Variants in ABCC1 observed in about 807,000 individuals in gnomAD.
ABCC1 encodes the protein ATP binding cassette subfamily C member 1 (ABCC1 blood group).
A neutral mutation model predicts 172.9 loss-of-function variants in ABCC1; 83 were observed. The observed-to-expected ratio is 0.48, with a 90% CI of 0.40 to 0.58. The LOEUF is 0.58. ABCC1 is among the 20% of genes least tolerant of loss of function. The probability of loss-of-function intolerance (pLI) is 0.00; values close to 1 mark genes in which losing one functional copy is unlikely to be tolerated. For synonymous variants in ABCC1, 937 were observed against 825.2 expected, an observed-to-expected ratio of 1.14 and a Z score of -2.32; for missense variants, 1,817 against 2,002.7, an observed-to-expected ratio of 0.91 and a Z score of 1.77.
At chr16:16,026,871 C>T (rs561397143) in intron 5 of ABCC1, among the ~76,000 whole-genome samples, 3 of 151,946 alleles carry the variant, frequency 2.0e-5, no homozygotes, top group Non-Finnish European at 4.4e-5. Flanking sequence ...GAGCCGAGAT[C>T]GGGCCACTGC....
intron 1 of ABCC1, among the ~76,000 whole-genome samples, chr16:15,997,813 T>TTG (rs1465316108): frequency 7.4e-6 from 1 of 135,974 alleles, no homozygotes; most frequent in African/African-American, 2.9e-5. Flanking sequence ...ACCTTTTTTT[T>TTG]TTTTTTTTTT....
At position 16,000,122 on chromosome 16, in the gene ABCC1, G is replaced by T. The variant is rs560647726; in HGVS notation, c.49-7694G>T. Among the ~76,000 whole-genome samples the T allele has an allele frequency of 3.3e-5, 5 of 151,728 alleles. No individual in the cohort carries two copies. The South Asian group carries it at 1.0e-3, about 32-fold the overall frequency. On this transcript the variant is annotated intron_variant, in intron 1 of 30. Coordinates refer to ENST00000399410, the MANE Select transcript of ABCC1 (RefSeq NM_004996.4). ...CCCGCCTCGGTCTCCCAAAGTGTTGGGATTACAGGCGTGAGCCACCGCTCC... is the reference window on the plus strand; with the variant it reads ...CCCGCCTCGGTCTCCCAAAGTGTTGTGATTACAGGCGTGAGCCACCGCTCC...
chr16:16,091,344 C>T (rs1451093309), intron 19 of ABCC1, among the ~76,000 whole-genome samples: 1 of 150,512 alleles, frequency 6.6e-6, no homozygotes, highest in Non-Finnish European at 1.5e-5. Flanking sequence ...GTGGGTGGAT[C>T]CCTTGAAGCC....
chr16:16,018,418 G>A (rs1377739346), intron 5 of ABCC1, among the ~76,000 whole-genome samples: 1 of 152,126 alleles, frequency 6.6e-6, no homozygotes, highest in African/African-American at 2.4e-5. Flanking sequence ...GCATGGTGGT[G>A]CATGCTTGTA....
Position 16,142,322 on chromosome 16 carries a change from T to C in ABCC1, c.*1041T>C, listed in dbSNP as rs1366409884. 6.6e-6 allele frequency: 1 copy of C among 152,148 alleles called. No individual in the cohort carries two copies. Among genetic ancestry groups the C allele is most frequent in the Non-Finnish European group, 1.5e-5 (1 of 68,024 alleles). The allele number at this position is 152,148 out of a possible 1,614,324, so 9.4% of individuals were successfully genotyped here. On this transcript the variant is annotated 3_prime_UTR_variant, in exon 31 of 31. Coordinates refer to ENST00000399410, the MANE Select transcript of ABCC1 (RefSeq NM_004996.4). Reference sequence around the variant, plus strand: ...CAGTGTTGGTTGCTTACAGTGTTGATTGATTTTGTTCTTTTTTCTTACCAC... The same window carrying C: ...CAGTGTTGGTTGCTTACAGTGTTGACTGATTTTGTTCTTTTTTCTTACCAC...
intron 6 of ABCC1, among the ~76,000 whole-genome samples, chr16:16,035,492 A>ATTTTTTTTTTTTTT (rs55727520): frequency 7.2e-6 from 1 of 138,940 alleles, no homozygotes. Flanking sequence ...CCTTCAGCCT[A>ATTTTTTTTTTTTTT]TTTTTTTTTT....
At chr16:15,997,747 G>C (rs1260267737) in intron 1 of ABCC1, among the ~76,000 whole-genome samples, 1 of 148,178 alleles carries the variant, frequency 6.7e-6, no homozygotes. Flanking sequence ...AGTTGTTAAA[G>C]TAAAGAAGGA....
chr16:16,105,714 C>CTTTTTT (rs71137912), intron 20 of ABCC1, among the ~76,000 whole-genome samples: 28 of 130,348 alleles, frequency 2.1e-4, no homozygotes, highest in Non-Finnish European at 2.9e-4. Context: ...CTTTTCTTTT[C>CTTTTTT]TTTTTTTTTT....
chr16:16,116,687 C>T (rs1251503264), intron 23 of ABCC1, among the ~76,000 whole-genome samples: 1 of 152,050 alleles, frequency 6.6e-6, no homozygotes, highest in Non-Finnish European at 1.5e-5. Flanking sequence ...CTCAGCCTCC[C>T]AAGTAGCTGG....
At chr16:16,136,226 G>C (rs2045912055) in intron 28 of ABCC1, among the ~76,000 whole-genome samples, 1 of 152,106 alleles carries the variant, frequency 6.6e-6, no homozygotes, top group Admixed American at 6.6e-5. Context: ...GTGTTGCCAT[G>C]TTGGCCAGGC....
At position 16,132,004 on chromosome 16, in the gene ABCC1, C is replaced by T. The variant is rs375066560; in HGVS notation, c.3966+69C>T. On this transcript the variant is annotated intron_variant, in intron 27 of 30. Coordinates refer to ENST00000399410, the MANE Select transcript of ABCC1 (RefSeq NM_004996.4). ...CACAGGGTGCCATCGGGCAGGTGAA[C>T]CTAGCTGCAGCGTCTCCCCAGTCAC... 4.3e-5 allele frequency: 67 copies of T among 1,563,898 alleles called. No individual in the cohort carries two copies. The East Asian group carries it at 8.8e-4, about 21-fold the overall frequency.
intron 1 of ABCC1, among the ~76,000 whole-genome samples, chr16:15,996,494 G>A (rs1042263875): frequency 6.6e-6 from 1 of 152,192 alleles, no homozygotes; most frequent in African/African-American, 2.4e-5. Context: ...GTGGTACACA[G>A]TATGTCCTCA....
intron 1 of ABCC1, among the ~76,000 whole-genome samples, chr16:16,001,765 G>T (rs1384675326): frequency 1.3e-5 from 2 of 152,198 alleles, no homozygotes; most frequent in African/African-American, 4.8e-5. Context: ...GCTGTGCTTT[G>T]TGAAGTAATT....
At chr16:16,065,520 C>T (rs778819418) in intron 12 of ABCC1, among the ~76,000 whole-genome samples, 2 of 152,158 alleles carry the variant, frequency 1.3e-5, no homozygotes, top group Non-Finnish European at 2.9e-5. Context: ...GCAACCTCCA[C>T]CTCCCGGGTT....
intron 13 of ABCC1, among the ~76,000 whole-genome samples, chr16:16,069,512 T>G (rs1465421617): frequency 6.6e-6 from 1 of 152,150 alleles, no homozygotes; most frequent in Non-Finnish European, 1.5e-5. Context: ...CTGTCACTTT[T>G]CTGCACTGTT....
At position 16,122,711 on chromosome 16, in the gene ABCC1, T is replaced by TAAA. The variant is rs34383577; in HGVS notation, c.3590+558_3590+560dup. Among the ~76,000 whole-genome samples the TAAA allele has an allele frequency of 1.9e-4, 22 of 116,242 alleles. 1 individual carries two copies. The highest frequency in any genetic ancestry group is 6.5e-4 in the African/African-American group (19 of 29,294). The allele number at this position is 116,242 out of a possible 152,430, so 76.3% of individuals were successfully genotyped here. On this transcript the variant is annotated intron_variant, in intron 24 of 30. Coordinates refer to ENST00000399410, the MANE Select transcript of ABCC1 (RefSeq NM_004996.4). ...AACATAGCAAGACCCCCATCTCTCTTAAAAAAAAAAAAAAAAAAAAAAAGT... is the reference window on the plus strand; with the variant it reads ...AACATAGCAAGACCCCCATCTCTCTTAAAAAAAAAAAAAAAAAAAAAAAAAAGT...
chr16:16,101,157 G>A (rs1461195077), intron 19 of ABCC1, among the ~76,000 whole-genome samples: 2 of 151,730 alleles, frequency 1.3e-5, no homozygotes, highest in African/African-American at 4.8e-5. Flanking sequence ...TCAGCCTCCC[G>A]AGTAGGTGGG....
At chr16:16,128,163 G>C (rs1016424560) in intron 26 of ABCC1, among the ~76,000 whole-genome samples, 1 of 124,058 alleles carries the variant, frequency 8.1e-6, no homozygotes, top group East Asian at 2.4e-4. Flanking sequence ...CAGTTAAAGC[G>C]TTCAGTTAGA....
chr16:16,131,742 C>G (rs546901469), intron 26 of ABCC1, 47 bp from the exon 27 acceptor site: 1 of 1,598,230 alleles, frequency 6.3e-7, no homozygotes, highest in Non-Finnish European at 8.5e-7. Flanking sequence ...ACAGCTTTAC[C>G]AGATGGACTG....
Sources: gnomAD v4.1 joint callset for allele counts (sites outside exome capture counted in the v4.1 genomes callset) on GRCh38, gnomAD v4.1.1 for gene constraint, MANE v1.5 for transcripts, NCBI Gene and HGNC (gene_info 2026-07-23, HGNC 2026-07-21) for gene names.